The following OPCML variants were observed in gnomAD, a reference collection of about 807,000 sequenced individuals.
OPCML encodes the protein opioid binding protein/cell adhesion molecule like, also known as opioid-binding protein/cell adhesion molecule.
In OPCML, 13 loss-of-function variants were observed where a neutral mutation model predicts 37.8. That is an observed-to-expected ratio of 0.34 (90% CI 0.22 to 0.55). OPCML has a LOEUF of 0.55. OPCML is among the 20% of genes least tolerant of loss of function. The pLI, the probability that OPCML is intolerant of heterozygous loss-of-function variation, is 0.91. For missense variants in OPCML, 341 were observed against 435.6 expected (o/e 0.78, Z 1.93); for synonymous variants, 176 against 168.8 (o/e 1.04, Z -0.33).
chr11:132,946,417 A>G, intron 1 of OPCML, among the ~76,000 whole-genome samples: 1 of 152,220 alleles, frequency 6.6e-6, no homozygotes, highest in Non-Finnish European at 1.5e-5. Flanking sequence ...TATGTACTGT[A>G]CATATTTACA....
intron 4 of OPCML, among the ~76,000 whole-genome samples, chr11:132,473,685 G>T (rs1175896646): frequency 1.3e-5 from 2 of 152,160 alleles, no homozygotes; most frequent in Admixed American, 1.3e-4. Context: ...AAATAGTAGG[G>T]CATAGTGGTG....
At chr11:132,791,265 G>A (rs751770666) in intron 2 of OPCML, among the ~76,000 whole-genome samples, 1 of 152,170 alleles carries the variant, frequency 6.6e-6, no homozygotes, top group Non-Finnish European at 1.5e-5. Flanking sequence ...TCTGATACTT[G>A]TTTTCCCTGC....
At chr11:132,962,993 A>G (rs1366735812) in intron 1 of OPCML, among the ~76,000 whole-genome samples, 1 of 152,058 alleles carries the variant, frequency 6.6e-6, no homozygotes, top group African/African-American at 2.4e-5. Context: ...CGCATAGAGG[A>G]ATCTCTGAAT....
chr11:133,021,328 A>G (rs1947446024), intron 1 of OPCML, among the ~76,000 whole-genome samples: 1 of 152,196 alleles, frequency 6.6e-6, no homozygotes, highest in Non-Finnish European at 1.5e-5. Flanking sequence ...ACTTGTTTTC[A>G]TGAACAGCCC....
intron 2 of OPCML, among the ~76,000 whole-genome samples, chr11:132,878,074 C>T (rs953466413): frequency 9.9e-5 from 15 of 152,098 alleles, no homozygotes; most frequent in African/African-American, 3.1e-4. Flanking sequence ...TCCAGCTACT[C>T]AGGAGGCCGA....
At chr11:132,586,208 G>A (rs1429322218) in intron 3 of OPCML, among the ~76,000 whole-genome samples, 2 of 152,178 alleles carry the variant, frequency 1.3e-5, no homozygotes, top group African/African-American at 2.4e-5. Context: ...CTTTGTACAT[G>A]CCTCTGCCCC....
At chr11:133,510,294 A>G (rs1013833720) in intron 1 of OPCML, among the ~76,000 whole-genome samples, 3 of 152,224 alleles carry the variant, frequency 2.0e-5, no homozygotes, top group African/African-American at 7.2e-5. Flanking sequence ...AACTTCCTGC[A>G]AGATGGAAGA....
At chr11:133,430,809 G>A (rs1946100357) in intron 1 of OPCML, among the ~76,000 whole-genome samples, 1 of 152,104 alleles carries the variant, frequency 6.6e-6, no homozygotes, top group African/African-American at 2.4e-5. Context: ...ATAAAATGAG[G>A]TAAATTTTTT....
chr11:132,936,869 T>C (rs1263420883), intron 2 of OPCML, among the ~76,000 whole-genome samples: 1 of 152,050 alleles, frequency 6.6e-6, no homozygotes, highest in Non-Finnish European at 1.5e-5. Flanking sequence ...ATACCTAACA[T>C]GAGCAAGAGC....
intron 4 of OPCML, 23 bp downstream of exon 4, chr11:132,529,038 C>G: frequency 6.7e-7 from 1 of 1,500,808 alleles, no homozygotes; most frequent in Non-Finnish European, 9.2e-7. Context: ...CCTCTGAAAA[C>G]GTCCTCCAGG....
intron 2 of OPCML, among the ~76,000 whole-genome samples, chr11:132,878,747 G>A (rs1477599590): frequency 6.6e-6 from 1 of 151,990 alleles, no homozygotes; most frequent in Admixed American, 6.6e-5. Context: ...TTTCTATTGA[G>A]ATATCTCCTA....
At chr11:133,055,656 C>T (rs1451033775) in intron 1 of OPCML, among the ~76,000 whole-genome samples, 4 of 150,402 alleles carry the variant, frequency 2.7e-5, no homozygotes, top group Non-Finnish European at 4.4e-5. Flanking sequence ...GAGGGAGCCG[C>T]CTCTACCATA....
At chr11:133,357,298 C>T (rs1269254604) in intron 1 of OPCML, among the ~76,000 whole-genome samples, 1 of 152,196 alleles carries the variant, frequency 6.6e-6, no homozygotes, top group Non-Finnish European at 1.5e-5. Flanking sequence ...CTGCCCAACT[C>T]TGGGAAAGAC....
In OPCML at chr11:132,444,173, C is replaced by A. The variant is rs541692594; in HGVS notation, c.506-6814G>T. On this transcript the variant is annotated intron_variant, in intron 4 of 7. Transcript: ENST00000524381. Reference sequence around the variant, plus strand: ...TAATGCCTTCACTTCTAGATGGCAGCCTTATGTCTTCTTAACTAGGCCCAA... The same window carrying A: ...TAATGCCTTCACTTCTAGATGGCAGACTTATGTCTTCTTAACTAGGCCCAA... Among the ~76,000 whole-genome samples, 38 of 152,256 alleles carry A rather than the reference C, an allele frequency of 2.5e-4. 1 individual carries two copies. The highest frequency in any genetic ancestry group is 6.8e-3 in the Middle Eastern group (2 of 294).
chr11:133,506,069 G>A (rs1948026807), intron 1 of OPCML, among the ~76,000 whole-genome samples: 1 of 152,166 alleles, frequency 6.6e-6, no homozygotes, highest in African/African-American at 2.4e-5. Context: ...TCTTACATTA[G>A]CAAGATATTT....
intron 1 of OPCML, among the ~76,000 whole-genome samples, chr11:133,498,900 G>T (rs547207808): frequency 6.6e-6 from 1 of 152,198 alleles, no homozygotes; most frequent in Non-Finnish European, 1.5e-5. Context: ...AAGATGGAAT[G>T]ATGGCTTTAT....
intron 3 of OPCML, among the ~76,000 whole-genome samples, chr11:132,598,813 A>G (rs994563363): frequency 6.6e-6 from 1 of 152,140 alleles, no homozygotes; most frequent in Non-Finnish European, 1.5e-5. Context: ...CTTCTAGTTT[A>G]TGTTTTTTTT....
intron 1 of OPCML, among the ~76,000 whole-genome samples, chr11:133,116,805 C>CAT (rs1275607238): frequency 0.011 from 1,583 of 144,260 alleles, 84 homozygotes; most frequent in African/African-American, 0.041. Flanking sequence ...TAAAACTATA[C>CAT]ATATATATAT....
At chr11:132,838,678 A>AT (rs892248453) in intron 2 of OPCML, among the ~76,000 whole-genome samples, 1 of 152,196 alleles carries the variant, frequency 6.6e-6, no homozygotes. Context: ...TTTAAAATTT[A>AT]TTTTTTTATT....
Sources: allele counts gnomAD v4.1 joint callset (sites outside exome capture counted in the v4.1 genomes callset), GRCh38; gene constraint gnomAD v4.1.1; transcripts MANE v1.5; gene names NCBI Gene and HGNC (gene_info 2026-07-23, HGNC 2026-07-21).